UNC13C: variants seen among roughly 807,000 people sequenced by gnomAD.
UNC13C encodes unc-13 homolog C.
Under a neutral mutation model 245.4 loss-of-function variants are expected in UNC13C, and 174 were observed. That is an observed-to-expected ratio of 0.71 (90% CI 0.63 to 0.80). UNC13C has a LOEUF of 0.80. Among genes scored for constraint, UNC13C ranks in the 30% least tolerant of loss-of-function variants. The pLI is 0.00. For synonymous variants in UNC13C, 992 were observed against 895.1 expected, an observed-to-expected ratio of 1.11 and a Z score of -1.93; for missense variants, 2,829 against 2,602.9, an observed-to-expected ratio of 1.09 and a Z score of -1.89.
At chr15:53,920,191 A>G in the UNC13C span, among the ~76,000 whole-genome samples, 1 of 152,162 alleles carries the variant, frequency 6.6e-6, no homozygotes, top group South Asian at 2.1e-4. Context: ...TTGTTTCTAT[A>G]ATATTGTTAA....
chr15:54,077,379 T>C (rs1216348144), intron 2 of UNC13C, among the ~76,000 whole-genome samples: 5 of 119,600 alleles, frequency 4.2e-5, no homozygotes, highest in South Asian at 3.2e-4. Context: ...TTCTTTTCTT[T>C]TTTTTTTTTT....
intron 2 of UNC13C, among the ~76,000 whole-genome samples, chr15:54,058,019 A>C (rs1410938723): frequency 6.6e-6 from 1 of 152,166 alleles, no homozygotes; most frequent in East Asian, 1.9e-4. Context: ...GGAAAGATCT[A>C]AAATTGACAC....
chr15:54,213,957 C>G (rs533775308), intron 4 of UNC13C, among the ~76,000 whole-genome samples: 1 of 151,998 alleles, frequency 6.6e-6, no homozygotes, highest in African/African-American at 2.4e-5. Flanking sequence ...ACGGAGCTAC[C>G]AAGGGAGAGA....
the UNC13C span, among the ~76,000 whole-genome samples, chr15:53,900,907 G>T: frequency 6.6e-6 from 1 of 151,984 alleles, no homozygotes; most frequent in Non-Finnish European, 1.5e-5. Context: ...AGGGTTTAAC[G>T]TACATTCATT....
At chr15:54,481,360 C>A (rs1244428421) in intron 19 of UNC13C, among the ~76,000 whole-genome samples, 1 of 151,808 alleles carries the variant, frequency 6.6e-6, no homozygotes, top group Non-Finnish European at 1.5e-5. Flanking sequence ...AGTCCCTGAC[C>A]CCTGAGAAAC....
In UNC13C at chr15:53,999,271, CTATA is replaced by C. The variant is rs555256002; in HGVS notation, c.-256-13370_-256-13367del. On this transcript the variant is annotated intron_variant, in intron 1 of 32. Coordinates refer to ENST00000260323, the MANE Select transcript of UNC13C (RefSeq NM_001080534.3). ...GATTACATATGTATATGTAAGATAT[CTATA>C]TATATAAATCTATTCTCTCATACAT... Among the ~76,000 whole-genome samples, 726 of 151,698 alleles carry C rather than the reference CTATA, an allele frequency of 4.8e-3. 7 individuals carry two copies. The highest frequency in any genetic ancestry group is 0.017 in the African/African-American group (694 of 41,476).
intron 25 of UNC13C, 81 bp from the exon 26 acceptor site, chr15:54,532,836 T>A: frequency 1.0e-6 from 1 of 973,048 alleles, no homozygotes; most frequent in East Asian, 2.7e-5. Flanking sequence ...TTGAAACAGA[T>A]CAAAATCCTC....
chr15:54,428,867 G>A lies in UNC13C; in HGVS notation c.4933+13800G>A, dbSNP rs2040810795. 2.0e-5 allele frequency among the ~76,000 whole-genome samples: 3 copies of A among 151,548 alleles called. No individual in the cohort carries two copies. The South Asian group carries it at 6.2e-4, about 32-fold the overall frequency. On this transcript the variant is annotated intron_variant, in intron 19 of 32. Coordinates refer to ENST00000260323, the MANE Select transcript of UNC13C (RefSeq NM_001080534.3). Reference sequence around the variant, plus strand: ...TGTCCCATGGTGCTTCCTGACTCCTGCCCCACCCTTTCTCGGATTGGTGGT... The same window carrying A: ...TGTCCCATGGTGCTTCCTGACTCCTACCCCACCCTTTCTCGGATTGGTGGT...
chr15:54,376,529 G>C (rs1356470053), intron 17 of UNC13C, among the ~76,000 whole-genome samples: 1 of 152,126 alleles, frequency 6.6e-6, no homozygotes, highest in Non-Finnish European at 1.5e-5. Context: ...ATTGTTACAT[G>C]AAAGTCTAAA....
Position 54,294,031 on chromosome 15 carries a change from T to C in UNC13C, c.3955T>C (p.Leu1319=). 1 of 1,570,726 alleles carries C rather than the reference T, an allele frequency of 6.4e-7. No homozygotes were observed. Among genetic ancestry groups the C allele is most frequent in the Non-Finnish European group, 8.6e-7 (1 of 1,163,564 alleles). The stretch of plus-strand genomic sequence containing the variant: ...ACAAACAATTGTAGAAGTGAGGACC[T>C]TGAGTGGAGAAATGGATGTCTGGTA... The part of the protein sequence containing the change: ...LGQTIVEVRT[L]SGEMDVWYNL... Residue 1319 remains leucine (L), a synonymous_variant, in exon 11 of 33, where the codon TTG becomes CTG. Coordinates refer to ENST00000260323, the MANE Select transcript of UNC13C (RefSeq NM_001080534.3).
At chr15:53,976,473 C>CCCT (rs1893702751), upstream of UNC13C, among the ~76,000 whole-genome samples, 1 of 27,520 alleles carries the variant, frequency 3.6e-5, no homozygotes, top group Non-Finnish European at 1.2e-4. Context: ...CTCTCTCTCT[C>CCCT]TCTCTTTTTT....
the UNC13C span, chr15:53,947,526 G>A: frequency 1.3e-5 from 2 of 152,210 alleles, no homozygotes; most frequent in Non-Finnish European, 2.9e-5. Flanking sequence ...CCAACTGGAA[G>A]TAGCTGCTCC....
At chr15:53,970,678 T>G in the UNC13C span, among the ~76,000 whole-genome samples, 2 of 151,944 alleles carry the variant, frequency 1.3e-5, no homozygotes, top group Non-Finnish European at 2.9e-5. Context: ...GGGTCCTGTT[T>G]GGGGGATGCA....
chr15:54,439,013 A>T (rs1890375144), intron 19 of UNC13C, among the ~76,000 whole-genome samples: 2 of 151,806 alleles, frequency 1.3e-5, no homozygotes, highest in South Asian at 4.1e-4. Context: ...TGGTTCTCTT[A>T]CCCCTTCTTC....
At chr15:53,906,294 C>T in the UNC13C span, among the ~76,000 whole-genome samples, 29 of 152,074 alleles carry the variant, frequency 1.9e-4, no homozygotes, top group Non-Finnish European at 3.7e-4. Context: ...CCACTGCACT[C>T]CAGCCTGGGT....
At chr15:54,217,306 C>G (rs1157709494) in intron 4 of UNC13C, among the ~76,000 whole-genome samples, 1 of 151,804 alleles carries the variant, frequency 6.6e-6, no homozygotes, top group African/African-American at 2.4e-5. Flanking sequence ...AGTAGCTCAA[C>G]CAGGATGTGG....
intron 2 of UNC13C, among the ~76,000 whole-genome samples, chr15:54,101,364 A>G (rs1388709508): frequency 6.6e-6 from 1 of 152,200 alleles, no homozygotes; most frequent in African/African-American, 2.4e-5. Flanking sequence ...ATTTTACAAT[A>G]GAGATGTTTC....
chr15:54,073,096 A>T (rs34130711), intron 2 of UNC13C, among the ~76,000 whole-genome samples: 74,637 of 151,652 alleles, frequency 0.49, 20,198 homozygotes, highest in Non-Finnish European at 0.61. Flanking sequence ...GGGTTCTCAT[A>T]GTTCAACTCC....
chr15:54,119,652 C>T (rs753020559), intron 2 of UNC13C, among the ~76,000 whole-genome samples: 15 of 152,000 alleles, frequency 9.9e-5, no homozygotes, highest in East Asian at 1.9e-4. Flanking sequence ...TTAAGCTTAG[C>T]GGGGAAGGCA....
Sources: gnomAD v4.1 joint callset for allele counts (sites outside exome capture counted in the v4.1 genomes callset) on GRCh38, gnomAD v4.1.1 for gene constraint, MANE v1.5 for transcripts, NCBI Gene and HGNC (gene_info 2026-07-23, HGNC 2026-07-21) for gene names.